Variants in ALKBH2 observed in about 807,000 individuals in gnomAD.
ALKBH2 encodes the protein alkB homolog 2, alpha-ketoglutarate dependent dioxygenase, also known as DNA oxidative demethylase ALKBH2.
Under a neutral mutation model 19.7 loss-of-function variants are expected in ALKBH2, and 19 were observed. The observed-to-expected ratio is 0.97, with a 90% CI of 0.67 to 1.42. ALKBH2 has a LOEUF of 1.42. Ranked by LOEUF, ALKBH2 falls within the 40% of genes most tolerant of loss-of-function variation. The pLI, the probability that ALKBH2 is intolerant of heterozygous loss-of-function variation, is 0.00. For missense variants in ALKBH2, 310 were observed against 328.5 expected (o/e 0.94, Z 0.43); for synonymous variants, 135 against 131.2 (o/e 1.03, Z -0.20).
intron 3 of ALKBH2, 96 bp downstream of exon 3, chr12:109,089,912 AT>A (rs2042034235): frequency 7.4e-7 from 1 of 1,342,302 alleles, no homozygotes; most frequent in African/African-American, 1.4e-5. Flanking sequence ...CTAAGAAATG[AT>A]TTGTACCAAT....
chr12:109,091,584 C>T (rs567918315), intron 2 of ALKBH2, among the ~76,000 whole-genome samples: 11 of 152,264 alleles, frequency 7.2e-5, no homozygotes, highest in African/African-American at 2.4e-4. Context: ...GTTGCCCAGG[C>T]TGGAGTGCAG....
intron 3 of ALKBH2, chr12:109,089,652 G>A (rs891040807): frequency 6.4e-5 from 19 of 295,032 alleles, no homozygotes; most frequent in Non-Finnish European, 9.2e-5. Flanking sequence ...AGTCGTTCAC[G>A]CCTGTAATCC....
At chr12:109,090,521 G>A (rs750652139) in intron 2 of ALKBH2, among the ~76,000 whole-genome samples, 8 of 152,072 alleles carry the variant, frequency 5.3e-5, no homozygotes, top group Non-Finnish European at 1.2e-4. Context: ...TCCACCTCCC[G>A]TGCTCCAGCA....
chr12:109,088,256 C>CT lies in ALKBH2; in HGVS notation c.735_736insA (p.Ala246SerfsTer10). On this transcript the variant is annotated frameshift_variant, in exon 4 of 4. Transcript: ENST00000429722. LOFTEE classifies it high-confidence loss of function. This position sits in a 1 kb window ranked among gnomAD's most constrained non-coding sequence, Gnocchi z 4.2. ...CGAAAAGTCAGATTCACCCGTGGAG[C>CT]CAGAACCTTCTTTCTCACGGGAAGA... 6.2e-7 allele frequency: 1 copy of CT among 1,613,288 alleles called. No homozygotes were observed. The highest frequency in any genetic ancestry group is 8.5e-7 in the Non-Finnish European group (1 of 1,179,472).
At chr12:109,089,364 G>A (rs142729063) in intron 3 of ALKBH2, among the ~76,000 whole-genome samples, 1 of 152,090 alleles carries the variant, frequency 6.6e-6, no homozygotes, top group Non-Finnish European at 1.5e-5. Flanking sequence ...ACCCACCCAG[G>A]GTTCTCCACC....
In ALKBH2 at chr12:109,088,464, T is replaced by C; in HGVS notation, c.528A>G (p.Arg176=). Residue 176 remains arginine, a synonymous_variant, in exon 4 of 4, where the codon AGA becomes AGG. Coordinates refer to ENST00000429722, the MANE Select transcript of ALKBH2 (RefSeq NM_001145374.2). The surrounding 1 kb of genome is among the most constrained non-coding windows in gnomAD (Gnocchi z 4.2). ...CAATGGGGCTCCCAGGGGCCAGTTC[T>C]CTTTCATCATCTCGGTGCTCCCCGA... ...DHIGEHRDDE[R]ELAPGSPIAS... is the part of the protein sequence containing the mutation. 2 of 1,611,510 alleles carry C rather than the reference T, an allele frequency of 1.2e-6. No individual in the cohort carries two copies. The highest frequency in any genetic ancestry group is 8.5e-7 in the Non-Finnish European group (1 of 1,178,034).
In ALKBH2 at chr12:109,092,757, T is replaced by C. The variant is rs750337901; in HGVS notation, c.30A>G (p.Gln10=). 1.2e-6 allele frequency: 2 copies of C among 1,613,718 alleles called. No individual in the cohort carries two copies. Among genetic ancestry groups the C allele is most frequent in the South Asian group, 1.1e-5 (1 of 91,070 alleles). The change falls in exon 2 of 4, where the codon CAA becomes CAG. Residue 10 remains glutamine, a synonymous_variant. Coordinates refer to ENST00000429722, the MANE Select transcript of ALKBH2 (RefSeq NM_001145374.2). The part of the protein sequence containing the change: MDRFLVKGA[Q]GGLLRKQEEQ... Reference sequence around the variant, plus strand: ...CCTCCTGCTTCCTCAAAAGGCCCCCTTGAGCCCCTTTCACCAGGAATCTGT... The same window carrying C: ...CCTCCTGCTTCCTCAAAAGGCCCCCCTGAGCCCCTTTCACCAGGAATCTGT...
At chr12:109,092,085 G>C (rs1257251581) in intron 2 of ALKBH2, among the ~76,000 whole-genome samples, 1 of 152,224 alleles carries the variant, frequency 6.6e-6, no homozygotes, top group Non-Finnish European at 1.5e-5. Context: ...TCTCTCCTAT[G>C]AGACCAGTGA....
chr12:109,089,894 C>T, intron 3 of ALKBH2, 115 bp downstream of exon 3: 1 of 1,117,428 alleles, frequency 8.9e-7, no homozygotes, highest in Non-Finnish European at 1.3e-6. Flanking sequence ...TCTTAGAGCC[C>T]CAGTGTACTA....
intron 2 of ALKBH2, among the ~76,000 whole-genome samples, chr12:109,090,654 G>A (rs1346397860): frequency 6.6e-6 from 1 of 152,106 alleles, no homozygotes; most frequent in Non-Finnish European, 1.5e-5. Flanking sequence ...TCCTGCCTCA[G>A]CCTCCTGAGT....
In ALKBH2 at chr12:109,090,002, GTGTCACC is replaced by G; in HGVS notation, c.479_479+6del. ...TGTAACATTGAGTCCACTAAACAGG[GTGTCACC>G]TGTTGATGAGCACAAAGTTGAAGGT... is the stretch of plus-strand genomic sequence containing the variant. On this transcript the variant is annotated splice_donor_variant and splice_donor_5th_base_variant and coding_sequence_variant and intron_variant, in exon 3 of 4. Coordinates refer to ENST00000429722, the MANE Select transcript of ALKBH2 (RefSeq NM_001145374.2). LOFTEE classifies it high-confidence loss of function. The G allele has an allele frequency of 6.2e-7, 1 of 1,613,488 alleles. No individual in the cohort carries two copies. Among genetic ancestry groups the G allele is most frequent in the Non-Finnish European group, 8.5e-7 (1 of 1,179,438 alleles).
chr12:109,092,606 G>GA lies in ALKBH2; in HGVS notation c.180dup (p.Arg61SerfsTer3). On this transcript the variant is annotated frameshift_variant, in exon 2 of 4. Coordinates refer to ENST00000429722, the MANE Select transcript of ALKBH2 (RefSeq NM_001145374.2). LOFTEE classifies it high-confidence loss of function. ...TAACTGCAGTCCAGGCCCTCAGCCCGAATGTGCCGCCAGCTAGGGCCTGCT... is the reference window on the plus strand; with the variant it reads ...TAACTGCAGTCCAGGCCCTCAGCCCGAAATGTGCCGCCAGCTAGGGCCTGCT... The GA allele has an allele frequency of 1.9e-6, 3 of 1,614,128 alleles. No homozygotes were observed. The highest frequency in any genetic ancestry group is 2.5e-6 in the Non-Finnish European group (3 of 1,180,014).
Position 109,088,399 on chromosome 12 carries a change from C to T in ALKBH2, c.593G>A (p.Arg198Gln), listed in dbSNP as rs756652119. The part of the protein sequence containing the change: ...SFGACRDFVF[R>Q]HKDSRGKSPS... Reference sequence around the variant, plus strand: ...GCTTTTCCCACGGGAATCCTTATGCCGGAAGACAAAGTCTCTGCAGGCACC... The same window carrying T: ...GCTTTTCCCACGGGAATCCTTATGCTGGAAGACAAAGTCTCTGCAGGCACC... The change falls in exon 4 of 4, where the codon CGG becomes CAG. Residue 198 changes from arginine (R) to glutamine (Q), a missense_variant. By Grantham distance (43) the Arg-to-Gln change is conservative. Transcript: ENST00000429722. The surrounding 1 kb of genome is among the most constrained non-coding windows in gnomAD (Gnocchi z 4.2). 4.3e-5 allele frequency: 69 copies of T among 1,613,658 alleles called. No individual in the cohort carries two copies. The East Asian group carries it at 1.1e-3, about 26-fold the overall frequency.
Position 109,092,494 on chromosome 12 carries a change from C to CACACA in ALKBH2, c.280+12_280+13insTGTGT, listed in dbSNP as rs1555264092. On this transcript the variant is annotated intron_variant, in intron 2 of 3. Coordinates refer to ENST00000429722, the MANE Select transcript of ALKBH2 (RefSeq NM_001145374.2). ...CAATGCACACACACACACACACACACCCCTCTGCTTACCTGTAAAATATTC... is the reference window on the plus strand; with the variant it reads ...CAATGCACACACACACACACACACACACACACCCTCTGCTTACCTGTAAAATATTC... 2.6e-6 allele frequency: 4 copies of CACACA among 1,551,838 alleles called. No individual in the cohort carries two copies. The highest frequency in any genetic ancestry group is 2.6e-6 in the Non-Finnish European group (3 of 1,148,476).
intron 3 of ALKBH2, among the ~76,000 whole-genome samples, chr12:109,089,258 A>G (rs77982884): frequency 0.081 from 12,254 of 152,170 alleles, 817 homozygotes; most frequent in Admixed American, 0.21. Context: ...CTCTCCCTCC[A>G]GATGTCTGTG....
chr12:109,090,485 T>C (rs1371326522), intron 2 of ALKBH2, among the ~76,000 whole-genome samples: 2 of 152,208 alleles, frequency 1.3e-5, no homozygotes, highest in African/African-American at 2.4e-5. Flanking sequence ...TGGAGTACAG[T>C]AGCACAATCT....
rs2042011395 is a variant in ALKBH2 at position 109,088,780 on chromosome 12, T to TC, written c.480-269dup. Among the ~76,000 whole-genome samples, 1 of 152,192 alleles carries TC rather than the reference T, an allele frequency of 6.6e-6. No individual in the cohort carries two copies. The highest frequency in any genetic ancestry group is 1.5e-5 in the Non-Finnish European group (1 of 68,028). On this transcript the variant is annotated intron_variant, in intron 3 of 3. Transcript: ENST00000429722. This position sits in a 1 kb window ranked among gnomAD's most constrained non-coding sequence, Gnocchi z 4.2. Reference sequence around the variant, plus strand: ...CCCAGGCTGAAGTGCAGTGGCACAATCATAGCTCACTGCAGCCTCGGCCTC... The same window carrying TC: ...CCCAGGCTGAAGTGCAGTGGCACAATCCATAGCTCACTGCAGCCTCGGCCTC...
chr12:109,088,806 C>T lies in ALKBH2; in HGVS notation c.480-294G>A, dbSNP rs1237573890. ...CATAGCTCACTGCAGCCTCGGCCTC[C>T]TGGGCTCAAGTGATTCTCCCACTTC... On this transcript the variant is annotated intron_variant, in intron 3 of 3. Coordinates refer to ENST00000429722, the MANE Select transcript of ALKBH2 (RefSeq NM_001145374.2). This position sits in a 1 kb window ranked among gnomAD's most constrained non-coding sequence, Gnocchi z 4.2. Among the ~76,000 whole-genome samples, 3 of 152,218 alleles carry T rather than the reference C, an allele frequency of 2.0e-5. No individual in the cohort carries two copies. Among genetic ancestry groups the T allele is most frequent in the Non-Finnish European group, 4.4e-5 (3 of 68,040 alleles).
chr12:109,089,752 A>G (rs2042030585), intron 3 of ALKBH2: 1 of 488,518 alleles, frequency 2.0e-6, no homozygotes, highest in Non-Finnish European at 3.7e-6. Context: ...CTGTCTCAAA[A>G]AAAAAAAAGA....
Sources: allele counts gnomAD v4.1 joint callset (sites outside exome capture counted in the v4.1 genomes callset), GRCh38; gene constraint gnomAD v4.1.1; non-coding constraint Gnocchi (gnomAD v3.1); transcripts MANE v1.5; gene names NCBI Gene and HGNC (gene_info 2026-07-23, HGNC 2026-07-21).